The following SLC29A3 variants were observed in gnomAD, a reference collection of about 807,000 sequenced individuals.
The protein encoded by SLC29A3 is equilibrative nucleoside transporter 3.
In SLC29A3, 18 loss-of-function variants were observed where a neutral mutation model predicts 25.4. The ratio of observed to expected loss-of-function variants is 0.71; its 90% CI spans 0.49 to 1.05. The LOEUF (loss-of-function observed/expected upper bound fraction) is 1.05. Ranked by LOEUF, SLC29A3 falls within the 50% of genes least tolerant of loss-of-function variation. SLC29A3 has a pLI of 0.00. For synonymous variants in SLC29A3, 258 were observed against 267.1 expected (o/e 0.97, Z 0.33); for missense variants, 586 against 609.0 (o/e 0.96, Z 0.40).
chr10:71,366,812 G>A (rs1307467238), downstream of SLC29A3, among the ~76,000 whole-genome samples: 1 of 152,206 alleles, frequency 6.6e-6, no homozygotes, highest in African/African-American at 2.4e-5. Flanking sequence ...TGAACTGAGA[G>A]CCCATGCATG....
intron 3 of SLC29A3, among the ~76,000 whole-genome samples, chr10:71,374,929 T>C (rs1207108273): frequency 6.6e-6 from 1 of 152,176 alleles, no homozygotes; most frequent in Non-Finnish European, 1.5e-5. Context: ...TGCTCCCCGC[T>C]TGCTTCTTGG....
intron 3 of SLC29A3, among the ~76,000 whole-genome samples, chr10:71,368,618 T>C (rs1847187618): frequency 6.6e-6 from 1 of 152,190 alleles, no homozygotes; most frequent in Admixed American, 6.5e-5. Flanking sequence ...ACAGGCTGTT[T>C]CATTTTTTTT....
At chr10:71,328,171 C>G (rs1463723674) in intron 2 of SLC29A3, among the ~76,000 whole-genome samples, 1 of 152,190 alleles carries the variant, frequency 6.6e-6, no homozygotes, top group African/African-American at 2.4e-5. Flanking sequence ...TGAGTGGGAC[C>G]TACAGCCCGA....
At chr10:71,338,547 C>T (rs756428803) in intron 2 of SLC29A3, among the ~76,000 whole-genome samples, 1 of 152,068 alleles carries the variant, frequency 6.6e-6, no homozygotes, top group Non-Finnish European at 1.5e-5. Flanking sequence ...CACCTGAGGT[C>T]GGGAGCTCAA....
chr10:71,362,769 C>T lies in SLC29A3; in HGVS notation c.*161C>T, dbSNP rs1847103558. Reference sequence around the variant, plus strand: ...CTCCCAAGATGCCAGTGAGCCACGTCCATGCCCATTCCGTGCAAGGCAGAT... The same window carrying T: ...CTCCCAAGATGCCAGTGAGCCACGTTCATGCCCATTCCGTGCAAGGCAGAT... On this transcript the variant is annotated 3_prime_UTR_variant, in exon 6 of 6. Transcript: ENST00000373189. 8.2e-6 allele frequency: 7 copies of T among 852,414 alleles called. No homozygotes were observed. Among genetic ancestry groups the T allele is most frequent in the Admixed American group, 2.0e-5 (1 of 50,442 alleles). The allele number at this position is 852,414 out of a possible 1,614,324, so 52.8% of individuals were successfully genotyped here.
At chr10:71,330,838 C>T (rs1564528048) in intron 2 of SLC29A3, among the ~76,000 whole-genome samples, 1 of 150,752 alleles carries the variant, frequency 6.6e-6, no homozygotes, top group East Asian at 1.9e-4. Context: ...GTACTAGAAG[C>T]TTTTTTTTTC....
chr10:71,353,808 A>C (rs1177478737), intron 4 of SLC29A3, among the ~76,000 whole-genome samples: 1 of 151,848 alleles, frequency 6.6e-6, no homozygotes, highest in African/African-American at 2.4e-5. Flanking sequence ...GTTTTTTTAA[A>C]CCCCTCATTT....
At chr10:71,353,753 G>A (rs897770270) in intron 4 of SLC29A3, among the ~76,000 whole-genome samples, 1 of 152,076 alleles carries the variant, frequency 6.6e-6, no homozygotes, top group African/African-American at 2.4e-5. Context: ...TGTGAATTCC[G>A]CACGCGTTGG....
Position 71,362,597 on chromosome 10 carries a change from C to T in SLC29A3, c.1417C>T (p.His473Tyr), listed in dbSNP as rs972178467. Residue 473 changes from histidine (H) to tyrosine (Y), a missense_variant, in exon 6 of 6, where the codon CAC (histidine) becomes TAC (tyrosine). His to Tyr is a moderately conservative substitution (Grantham distance 83). Transcript: ENST00000373189. ...LGSACSTLLVHLI is the reference protein window; with the variant it reads ...LGSACSTLLVYLI ...CTCAGCCTGCTCTACCCTCCTGGTG[C>T]ACCTCATCTAGAAGGGAGGACACAA... 1 of 1,614,156 alleles carries T rather than the reference C, an allele frequency of 6.2e-7. No homozygotes were observed. The highest frequency in any genetic ancestry group is 8.5e-7 in the Non-Finnish European group (1 of 1,180,048).
chr10:71,331,366 A>C (rs1846114044), intron 2 of SLC29A3, among the ~76,000 whole-genome samples: 1 of 152,234 alleles, frequency 6.6e-6, no homozygotes, highest in East Asian at 1.9e-4. Context: ...CAGGACAATG[A>C]GGCACAAGCT....
chr10:71,320,596 C>T (rs1031594949), intron 1 of SLC29A3, among the ~76,000 whole-genome samples: 1 of 152,206 alleles, frequency 6.6e-6, no homozygotes, highest in African/African-American at 2.4e-5. Context: ...AGACAGTGAG[C>T]TTGTTAATGC....
intron 5 of SLC29A3, among the ~76,000 whole-genome samples, chr10:71,360,584 G>T (rs1191323241): frequency 1.3e-5 from 2 of 152,168 alleles, no homozygotes; most frequent in African/African-American, 4.8e-5. Flanking sequence ...AATGGTGCTG[G>T]GCAGAGTTAA....
chr10:71,337,595 C>A (rs536382121), intron 2 of SLC29A3, among the ~76,000 whole-genome samples: 1 of 152,276 alleles, frequency 6.6e-6, no homozygotes, highest in East Asian at 1.9e-4. Flanking sequence ...AGCTGCCTCG[C>A]AGAAGCCACT....
intron 3 of SLC29A3, among the ~76,000 whole-genome samples, chr10:71,349,566 C>T (rs1846693255): frequency 6.6e-6 from 1 of 152,116 alleles, no homozygotes; most frequent in Non-Finnish European, 1.5e-5. Flanking sequence ...TTGTTTGTGG[C>T]TGTGTGGGTG....
chr10:71,359,066 G>C (rs950620238), intron 5 of SLC29A3, among the ~76,000 whole-genome samples: 2 of 152,042 alleles, frequency 1.3e-5, no homozygotes, highest in African/African-American at 4.8e-5. Flanking sequence ...GGGCTGCCAC[G>C]CCCAGCTAAT....
intron 2 of SLC29A3, among the ~76,000 whole-genome samples, chr10:71,323,562 T>G (rs896530444): frequency 6.6e-6 from 1 of 152,244 alleles, no homozygotes; most frequent in Non-Finnish European, 1.5e-5. Context: ...GGAAGTAACA[T>G]ACATTGCTCT....
chr10:71,341,113 G>T (rs1846394170), intron 2 of SLC29A3, among the ~76,000 whole-genome samples: 1 of 152,106 alleles, frequency 6.6e-6, no homozygotes, highest in Non-Finnish European at 1.5e-5. Flanking sequence ...GGTTAAAGTG[G>T]GTCTCACGGG....
rs1564543283 is a variant in SLC29A3, at chr10:71,362,195, T to C, written c.1015T>C (p.Ser339Pro). Residue 339 changes from serine (S) to proline (P), a missense_variant, in exon 6 of 6, where the codon TCA becomes CCA. By Grantham distance (74) the Ser-to-Pro change is moderately conservative. Transcript: ENST00000373189. ...CGAGTCCCTCAACAAGGGTTCGGGC[T>C]CACTGTGGACCACCAAGTTTTTCAT... ...NIESLNKGSG[S>P]LWTTKFFIPL... 2 of 1,614,120 alleles carry C rather than the reference T, an allele frequency of 1.2e-6. No individual in the cohort carries two copies. The highest frequency in any genetic ancestry group is 4.5e-5 in the East Asian group (2 of 44,872).
chr10:71,325,149 G>C (rs1323683972), intron 2 of SLC29A3, among the ~76,000 whole-genome samples: 3 of 152,180 alleles, frequency 2.0e-5, no homozygotes, highest in African/African-American at 7.2e-5. Context: ...TGGCCCAGGA[G>C]GTGGCTCATC....
Sources: gnomAD v4.1 joint callset for allele counts (sites outside exome capture counted in the v4.1 genomes callset) on GRCh38, gnomAD v4.1.1 for gene constraint, MANE v1.5 for transcripts, NCBI Gene and HGNC (gene_info 2026-07-23, HGNC 2026-07-21) for gene names.